Variants in CLNS1A observed in about 807,000 individuals in gnomAD.
The protein encoded by CLNS1A is methylosome subunit pICln.
In CLNS1A, 16 loss-of-function variants were observed where a neutral mutation model predicts 29.4. The observed-to-expected ratio is 0.54, with a 90% CI of 0.37 to 0.83. The LOEUF is 0.83. Among genes scored for constraint, CLNS1A ranks in the 40% least tolerant of loss-of-function variants. The probability of loss-of-function intolerance (pLI) is 0.00; values close to 1 mark genes in which losing one functional copy is unlikely to be tolerated. For missense variants in CLNS1A, 235 were observed against 287.4 expected (o/e 0.82, Z 1.32); for synonymous variants, 96 against 104.8 (o/e 0.92, Z 0.51).
chr11:77,616,316 T>G lies in CLNS1A; in HGVS notation c.*402A>C, dbSNP rs1333630769. The G allele has an allele frequency of 6.6e-6, 1 of 152,208 alleles. No individual in the cohort carries two copies. Among genetic ancestry groups the G allele is most frequent in the African/African-American group, 2.4e-5 (1 of 41,450 alleles). 9.4% of individuals were successfully genotyped at this position (152,208 alleles called of 1,614,324 possible). A position where few individuals can be genotyped will look rare whatever the true frequency, so the allele number is the denominator to read the frequency against. On this transcript the variant is annotated 3_prime_UTR_variant, in exon 7 of 7. Coordinates refer to ENST00000525428, the MANE Select transcript of CLNS1A (RefSeq NM_001293.3). ...AACCTAAGAGGTTATAACAGCAGAC[T>G]GGTAAAACATGGCGAAAGGAGCTCT...
chr11:77,618,620 A>G (rs1220261298), intron 6 of CLNS1A: 2 of 152,252 alleles, frequency 1.3e-5, no homozygotes, highest in Admixed American at 1.3e-4. Flanking sequence ...CAGTATAAGA[A>G]GCAATGTTAT....
rs1376435419 is a variant in CLNS1A, at chr11:77,622,693, T to C, written c.473-20A>G. ...CTTGTTCTAAACAAACAGAAAACTTTAAAGTTTAAATACAACAATTAGAAA... is the reference window on the plus strand; with the variant it reads ...CTTGTTCTAAACAAACAGAAAACTTCAAAGTTTAAATACAACAATTAGAAA... On this transcript the variant is annotated intron_variant, in intron 4 of 6. Transcript: ENST00000525428. 2 of 1,538,192 alleles carry C rather than the reference T, an allele frequency of 1.3e-6. No individual in the cohort carries two copies. Among genetic ancestry groups the C allele is most frequent in the East Asian group, 2.3e-5 (1 of 43,596 alleles).
chr11:77,621,475 C>T (rs2135761782), intron 5 of CLNS1A, among the ~76,000 whole-genome samples: 1 of 152,238 alleles, frequency 6.6e-6, no homozygotes, highest in Middle Eastern at 3.4e-3. Flanking sequence ...GGAACCTTGT[C>T]TCTACTAAAA....
chr11:77,620,139 A>G (rs757097347), intron 5 of CLNS1A, among the ~76,000 whole-genome samples: 12 of 152,124 alleles, frequency 7.9e-5, no homozygotes, highest in Non-Finnish European at 1.5e-4. Flanking sequence ...AAAAAACAAG[A>G]GCCCTGATAT....
chr11:77,624,747 A>T (rs1046380129), intron 4 of CLNS1A, among the ~76,000 whole-genome samples: 1 of 152,274 alleles, frequency 6.6e-6, no homozygotes, highest in South Asian at 2.1e-4. Flanking sequence ...TGAACCTAGG[A>T]GGCAGAGGTT....
At chr11:77,633,159 T>C (rs1186323043) in intron 1 of CLNS1A, among the ~76,000 whole-genome samples, 2 of 151,214 alleles carry the variant, frequency 1.3e-5, no homozygotes, top group East Asian at 1.9e-4. Context: ...AACAAATACC[T>C]ATTAACAACA....
In CLNS1A at chr11:77,622,359, A is replaced by G. The variant is rs574605696; in HGVS notation, c.646+141T>C. On this transcript the variant is annotated intron_variant, in intron 5 of 6. Coordinates refer to ENST00000525428, the MANE Select transcript of CLNS1A (RefSeq NM_001293.3). ...AAAAACAAATGACATAAGCATTCCTATACTATGTAATTCTGTATCTGCTTC... is the reference window on the plus strand; with the variant it reads ...AAAAACAAATGACATAAGCATTCCTGTACTATGTAATTCTGTATCTGCTTC... 83 of 641,360 alleles carry G rather than the reference A, an allele frequency of 1.3e-4. No homozygotes were observed. In the South Asian group the frequency reaches 1.8e-3, roughly 14 times the overall value. The allele number at this position is 641,360 out of a possible 1,614,324, so 39.7% of individuals were successfully genotyped here.
At chr11:77,622,156 C>G (rs746312412) in intron 5 of CLNS1A, 4 of 443,772 alleles carry the variant, frequency 9.0e-6, no homozygotes, top group Non-Finnish European at 1.8e-5. Flanking sequence ...GCCTGTATGA[C>G]ACTTTGTTAT....
chr11:77,619,410 T>C (rs1345042993), intron 6 of CLNS1A, 196 bp downstream of exon 6: 1 of 537,818 alleles, frequency 1.9e-6, no homozygotes, highest in African/African-American at 1.9e-5. Context: ...CATGTGCCTA[T>C]AGTCCCAGCT....
chr11:77,634,365 G>A (rs1365069438), intron 1 of CLNS1A, among the ~76,000 whole-genome samples: 2 of 152,150 alleles, frequency 1.3e-5, no homozygotes, highest in Non-Finnish European at 2.9e-5. Context: ...CGGCTGGACT[G>A]TATATATATG....
Position 77,625,784 on chromosome 11 carries a change from C to T in CLNS1A, c.297G>A (p.Glu99=). Residue 99 remains glutamate, a synonymous_variant, in exon 3 of 7, where the codon GAG becomes GAA. Coordinates refer to ENST00000525428, the MANE Select transcript of CLNS1A (RefSeq NM_001293.3). ...ESKEPVADEE[E]EDSDDDVEPI... is the part of the protein sequence containing the mutation. ...GTTCAACATCATCATCACTGTCTTCCTCTTCTTCATCAGCAACAGGTTCTT... is the reference window on the plus strand; with the variant it reads ...GTTCAACATCATCATCACTGTCTTCTTCTTCTTCATCAGCAACAGGTTCTT... 1 of 1,602,538 alleles carries T rather than the reference C, an allele frequency of 6.2e-7. No homozygotes were observed. Among genetic ancestry groups the T allele is most frequent in the Non-Finnish European group, 8.5e-7 (1 of 1,169,702 alleles).
At chr11:77,617,897 G>A (rs1247343778) in intron 6 of CLNS1A, among the ~76,000 whole-genome samples, 8 of 149,202 alleles carry the variant, frequency 5.4e-5, no homozygotes, top group East Asian at 2.0e-4. Context: ...CAGCTTGGGC[G>A]ACAGAGCGAG....
At chr11:77,625,625 T>A in intron 3 of CLNS1A, 92 bp downstream of exon 3, 1 of 1,056,734 alleles carries the variant, frequency 9.5e-7, no homozygotes, top group Non-Finnish European at 1.3e-6. Flanking sequence ...GTGGTAAAGG[T>A]GAGAGGTGTG....
At chr11:77,627,871 G>GGATTACAGGTTTGAGCCA (rs1959036355) in intron 2 of CLNS1A, among the ~76,000 whole-genome samples, 1 of 152,082 alleles carries the variant, frequency 6.6e-6, no homozygotes, top group East Asian at 1.9e-4. Flanking sequence ...TGTTGCCCAG[G>GGATTACAGGTTTGAGCCA]CTGGAGTGCA....
chr11:77,631,759 A>T (rs1275135461), intron 1 of CLNS1A, among the ~76,000 whole-genome samples: 2 of 151,268 alleles, frequency 1.3e-5, no homozygotes, highest in Non-Finnish European at 2.9e-5. Flanking sequence ...TTTTTTTGAG[A>T]TGAAGTCTCA....
intron 1 of CLNS1A, among the ~76,000 whole-genome samples, chr11:77,637,345 A>G (rs1055224767): frequency 6.7e-6 from 1 of 150,128 alleles, no homozygotes; most frequent in Non-Finnish European, 1.5e-5. Flanking sequence ...AAAGAAAAAA[A>G]AAAAAAAAAA....
intron 5 of CLNS1A, among the ~76,000 whole-genome samples, chr11:77,622,267 C>A (rs988618948): frequency 6.6e-6 from 1 of 152,002 alleles, no homozygotes; most frequent in Non-Finnish European, 1.5e-5. Flanking sequence ...TACTTTCTTG[C>A]GCACATTAAA....
At position 77,615,765 on chromosome 11, in the gene CLNS1A, A is replaced by G. The variant is rs1448447550; in HGVS notation, c.*953T>C. On this transcript the variant is annotated 3_prime_UTR_variant, in exon 7 of 7. Coordinates refer to ENST00000525428, the MANE Select transcript of CLNS1A (RefSeq NM_001293.3). ...GTACCAAACATCAGTTTAGTCACTA[A>G]TTAGCCATGTGATCCTGTTAAGAAG... The G allele has an allele frequency of 6.6e-6, 1 of 152,212 alleles. No homozygotes were observed. Among genetic ancestry groups the G allele is most frequent in the Non-Finnish European group, 1.5e-5 (1 of 68,036 alleles). 9.4% of individuals were successfully genotyped at this position (152,212 alleles called of 1,614,324 possible). A position where few individuals can be genotyped will look rare whatever the true frequency, so the allele number is the denominator to read the frequency against.
rs756618849 is a variant in CLNS1A at position 77,622,490 on chromosome 11, G to C, written c.646+10C>G. The C allele has an allele frequency of 1.3e-6, 2 of 1,573,526 alleles. No individual in the cohort carries two copies. The highest frequency in any genetic ancestry group is 1.7e-6 in the Non-Finnish European group (2 of 1,163,120). On this transcript the variant is annotated intron_variant, in intron 5 of 6. Coordinates refer to ENST00000525428, the MANE Select transcript of CLNS1A (RefSeq NM_001293.3). The stretch of plus-strand genomic sequence containing the variant: ...TCATCTGACTGTTCACACTGCAAAA[G>C]GACACTCACCTTCATAATCTCTTAT...
Sources: allele counts gnomAD v4.1 joint callset (sites outside exome capture counted in the v4.1 genomes callset), GRCh38; gene constraint gnomAD v4.1.1; transcripts MANE v1.5; gene names NCBI Gene and HGNC (gene_info 2026-07-23, HGNC 2026-07-21).